The following EXOC5 variants were observed in gnomAD, a reference collection of about 807,000 sequenced individuals.
The protein encoded by EXOC5 is exocyst complex component 5, also known as SEC10-like 1.
In EXOC5, 17 loss-of-function variants were observed where a neutral mutation model predicts 90.8. That is an observed-to-expected ratio of 0.19 (90% CI 0.13 to 0.28). The LOEUF (loss-of-function observed/expected upper bound fraction) is 0.28, where lower values mean the gene tolerates loss of function less well. Ranked by LOEUF, EXOC5 falls within the 10% of genes least tolerant of loss-of-function variation. EXOC5 has a pLI of 1.00. For synonymous variants in EXOC5, 260 were observed against 270.0 expected (o/e 0.96, Z 0.36); for missense variants, 569 against 830.6 (o/e 0.69, Z 3.87).
chr14:57,209,943 T>C lies in EXOC5; in HGVS notation c.1722+10A>G, dbSNP rs1882775209. The C allele has an allele frequency of 8.1e-6, 11 of 1,364,826 alleles. No individual in the cohort carries two copies. The East Asian group carries it at 2.3e-4, about 29-fold the overall frequency. 84.5% of individuals were successfully genotyped at this position (1,364,826 alleles called of 1,614,324 possible). ...AACAAAGTATTAACAAACTGAATGA[T>C]TTTACTCACATTAGTATATTGAATC... On this transcript the variant is annotated intron_variant, in intron 16 of 17. Transcript: ENST00000621441.
At chr14:57,242,144 AAAG>A (rs1340309740) in intron 4 of EXOC5, among the ~76,000 whole-genome samples, 1 of 146,388 alleles carries the variant, frequency 6.8e-6, no homozygotes, top group African/African-American at 2.5e-5. Context: ...AAAAAAAAAA[AAAG>A]AAAAAAAAGA....
chr14:57,246,207 A>T (rs1446680951), intron 3 of EXOC5, among the ~76,000 whole-genome samples: 1 of 152,202 alleles, frequency 6.6e-6, no homozygotes, highest in African/African-American at 2.4e-5. Context: ...AAAACAGATC[A>T]AGGCAGTTTT....
In EXOC5 at chr14:57,202,798, G is replaced by C. The variant is rs1157809638; in HGVS notation, c.*5811C>G. On this transcript the variant is annotated 3_prime_UTR_variant, in exon 18 of 18. Transcript: ENST00000621441. ...CACATGCACACACACACATAATTGG[G>C]ATAGCAAAATGTTCATAGATGCTGT... The C allele has an allele frequency of 6.6e-6, 1 of 152,124 alleles. No individual in the cohort carries two copies. The highest frequency in any genetic ancestry group is 1.5e-5 in the Non-Finnish European group (1 of 68,008). The allele number at this position is 152,124 out of a possible 1,614,324, so 9.4% of individuals were successfully genotyped here.
intron 1 of EXOC5, 188 bp downstream of exon 1, chr14:57,268,434 C>A: frequency 6.8e-7 from 1 of 1,459,988 alleles, no homozygotes; most frequent in Non-Finnish European, 9.1e-7. Context: ...ACCTCGGCCC[C>A]AAGCACCCCT....
chr14:57,267,537 T>G (rs1369343809), intron 1 of EXOC5, among the ~76,000 whole-genome samples: 1 of 152,210 alleles, frequency 6.6e-6, no homozygotes, highest in Non-Finnish European at 1.5e-5. Context: ...TATTGTGGAT[T>G]ACAGTCTTCT....
intron 1 of EXOC5, among the ~76,000 whole-genome samples, chr14:57,257,545 G>A (rs1884388070): frequency 6.6e-6 from 1 of 152,052 alleles, no homozygotes; most frequent in Non-Finnish European, 1.5e-5. Context: ...CACCAGTGTA[G>A]GTGGAAGAAA....
intron 2 of EXOC5, 76 bp from the exon 3 acceptor site, chr14:57,246,934 C>T (rs1884049253): frequency 2.4e-6 from 2 of 818,594 alleles, no homozygotes; most frequent in Admixed American, 3.1e-5. Flanking sequence ...AACTTATAAT[C>T]ATAGTCTTAA....
Position 57,206,018 on chromosome 14 carries a change from G to A in EXOC5, c.*2591C>T. ...TCAACATCATAATTTACATAAGGTA[G>A]GCTTCCTTTATTAAATTCGTATTCT... is the stretch of plus-strand genomic sequence containing the variant. On this transcript the variant is annotated 3_prime_UTR_variant, in exon 18 of 18. Coordinates refer to ENST00000621441, the MANE Select transcript of EXOC5 (RefSeq NM_006544.4). The A allele has an allele frequency of 2.2e-6, 1 of 453,840 alleles. No individual in the cohort carries two copies. Among genetic ancestry groups the A allele is most frequent in the Non-Finnish European group, 4.4e-6 (1 of 226,066 alleles). The allele number at this position is 453,840 out of a possible 1,614,324, so 28.1% of individuals were successfully genotyped here.
chr14:57,247,522 T>A lies in EXOC5; in HGVS notation c.122+96A>T, dbSNP rs993877862. On this transcript the variant is annotated intron_variant, in intron 2 of 17. Coordinates refer to ENST00000621441, the MANE Select transcript of EXOC5 (RefSeq NM_006544.4). ...GGCCAAATGTTAACTAAAATCCTTG[T>A]AGAGGAATGCTGAAAGCAATCTCAA... 6 of 513,588 alleles carry A rather than the reference T, an allele frequency of 1.2e-5. No individual in the cohort carries two copies. The South Asian group carries it at 1.2e-4, about 11-fold the overall frequency. The allele number at this position is 513,588 out of a possible 1,614,324, so 31.8% of individuals were successfully genotyped here. A position where few individuals can be genotyped will look rare whatever the true frequency, so the allele number is the denominator to read the frequency against.
In EXOC5 at chr14:57,204,826, T is replaced by C. The variant is rs1348498417; in HGVS notation, c.*3783A>G. 2 of 152,350 alleles carry C rather than the reference T, an allele frequency of 1.3e-5. No homozygotes were observed. Among genetic ancestry groups the C allele is most frequent in the African/African-American group, 4.8e-5 (2 of 41,418 alleles). 9.4% of individuals were successfully genotyped at this position (152,350 alleles called of 1,614,324 possible). A position where few individuals can be genotyped will look rare whatever the true frequency, so the allele number is the denominator to read the frequency against. On this transcript the variant is annotated 3_prime_UTR_variant, in exon 18 of 18. Transcript: ENST00000621441. ...ATATTAAGAAAAACACAACAGTAAATTAGATATTGACCCTGTATGCCAACT... is the reference window on the plus strand; with the variant it reads ...ATATTAAGAAAAACACAACAGTAAACTAGATATTGACCCTGTATGCCAACT...
At chr14:57,229,686 T>A (rs759492287) in intron 12 of EXOC5, 48 bp downstream of exon 12, 3 of 1,337,322 alleles carry the variant, frequency 2.2e-6, no homozygotes, top group East Asian at 5.2e-5. Context: ...TCCCCACAGA[T>A]ATCAAGGAAC....
At chr14:57,219,933 A>T (rs779449456) in intron 13 of EXOC5, among the ~76,000 whole-genome samples, 2 of 152,160 alleles carry the variant, frequency 1.3e-5, no homozygotes, top group Admixed American at 6.6e-5. Context: ...ATTTATTCAG[A>T]ATAAAATAAA....
chr14:57,239,985 C>T (rs1007953338), intron 4 of EXOC5, among the ~76,000 whole-genome samples: 1 of 152,026 alleles, frequency 6.6e-6, no homozygotes, highest in East Asian at 1.9e-4. Context: ...TTGCTGAAAG[C>T]CAGGTGTAAA....
At position 57,242,629 on chromosome 14, in the gene EXOC5, A is replaced by C. The variant is rs190384781; in HGVS notation, c.465+1536T>G. Among the ~76,000 whole-genome samples the C allele has an allele frequency of 1.2e-3, 189 of 152,322 alleles. 1 individual carries two copies. Among genetic ancestry groups the C allele is most frequent in the African/African-American group, 4.4e-3 (183 of 41,574 alleles). Reference sequence around the variant, plus strand: ...ATATGATGTGTTGATATCTTATCCCATTCTAATTCCTCCCACAATCACACA... The same window carrying C: ...ATATGATGTGTTGATATCTTATCCCCTTCTAATTCCTCCCACAATCACACA... On this transcript the variant is annotated intron_variant, in intron 4 of 17. Coordinates refer to ENST00000621441, the MANE Select transcript of EXOC5 (RefSeq NM_006544.4).
chr14:57,205,883 C>G lies in EXOC5; in HGVS notation c.*2726G>C. The stretch of plus-strand genomic sequence containing the variant: ...AACTATGGCAATCCTCAAAATGGGA[C>G]CAAAAATTGTCCTGGAATGGTCAGG... On this transcript the variant is annotated 3_prime_UTR_variant, in exon 18 of 18. Coordinates refer to ENST00000621441, the MANE Select transcript of EXOC5 (RefSeq NM_006544.4). The G allele has an allele frequency of 2.2e-6, 1 of 455,812 alleles. No homozygotes were observed. Among genetic ancestry groups the G allele is most frequent in the South Asian group, 1.6e-5 (1 of 64,424 alleles). The allele number at this position is 455,812 out of a possible 1,614,324, so 28.2% of individuals were successfully genotyped here.
At chr14:57,267,271 G>T (rs1193943657) in intron 1 of EXOC5, among the ~76,000 whole-genome samples, 2 of 152,134 alleles carry the variant, frequency 1.3e-5, no homozygotes, top group Non-Finnish European at 2.9e-5. Context: ...CAATATCTCT[G>T]AAGTCTTTCT....
At chr14:57,257,113 G>A (rs1388905794) in intron 1 of EXOC5, among the ~76,000 whole-genome samples, 1 of 152,150 alleles carries the variant, frequency 6.6e-6, no homozygotes, top group East Asian at 1.9e-4. Context: ...ATAGGTTCAT[G>A]ACGTCTTAAG....
chr14:57,234,862 G>C (rs1441681857), intron 7 of EXOC5, among the ~76,000 whole-genome samples: 1 of 151,976 alleles, frequency 6.6e-6, no homozygotes, highest in African/African-American at 2.4e-5. Context: ...ATTGCGCCTG[G>C]CCTTCTCTAG....
chr14:57,225,341 A>G (rs1229806617), intron 12 of EXOC5, among the ~76,000 whole-genome samples: 1 of 152,212 alleles, frequency 6.6e-6, no homozygotes, highest in Non-Finnish European at 1.5e-5. Context: ...TCAATCTGAA[A>G]AAGAACATCT....
Sources: gnomAD v4.1 joint callset for allele counts (sites outside exome capture counted in the v4.1 genomes callset) on GRCh38, gnomAD v4.1.1 for gene constraint, MANE v1.5 for transcripts, NCBI Gene and HGNC (gene_info 2026-07-23, HGNC 2026-07-21) for gene names.